ANO4: variants seen among roughly 807,000 people sequenced by gnomAD.
ANO4 encodes the protein anoctamin 4.
ANO4 carries 69 observed loss-of-function variants against 141.9 expected under a neutral mutation model. That is an observed-to-expected ratio of 0.49 (90% CI 0.40 to 0.59). The LOEUF is 0.59. Ranked by LOEUF, ANO4 falls within the 20% of genes least tolerant of loss-of-function variation. The pLI, the probability that ANO4 is intolerant of heterozygous loss-of-function variation, is 0.00. For missense variants in ANO4, 894 were observed against 1,162.2 expected (o/e 0.77, Z 3.36); for synonymous variants, 350 against 394.3 (o/e 0.89, Z 1.33).
At chr12:100,963,249 A>G (rs1188824683) in intron 5 of ANO4, among the ~76,000 whole-genome samples, 1 of 152,124 alleles carries the variant, frequency 6.6e-6, no homozygotes, top group African/African-American at 2.4e-5. Context: ...GGTGACATCT[A>G]AACCCATTAC....
chr12:100,811,635 C>T (rs1236086047), intron 1 of ANO4, among the ~76,000 whole-genome samples: 1 of 152,152 alleles, frequency 6.6e-6, no homozygotes, highest in Admixed American at 6.5e-5. Context: ...GAAATCAGAA[C>T]TGAATGAGAG....
At chr12:100,931,187 A>G (rs1239411191) in intron 3 of ANO4, among the ~76,000 whole-genome samples, 1 of 152,082 alleles carries the variant, frequency 6.6e-6, no homozygotes, top group African/African-American at 2.4e-5. Context: ...ATACATGCTA[A>G]ATAGTGTTTA....
upstream of ANO4, among the ~76,000 whole-genome samples, chr12:100,793,373 T>G (rs1442892658): frequency 6.6e-6 from 1 of 152,228 alleles, no homozygotes; most frequent in Admixed American, 6.5e-5. Context: ...TTTTATGGCC[T>G]TCTGCTGTGA....
At chr12:101,068,837 T>C in intron 14 of ANO4, 2 of 1,024,920 alleles carry the variant, frequency 2.0e-6, no homozygotes, top group African/African-American at 1.5e-5. Context: ...GCTGAGCTAT[T>C]TGAAAAACTT....
At chr12:100,937,151 A>G (rs770434256) in intron 3 of ANO4, among the ~76,000 whole-genome samples, 2 of 152,170 alleles carry the variant, frequency 1.3e-5, no homozygotes, top group Non-Finnish European at 2.9e-5. Context: ...AAGGGCTCTC[A>G]GATATCGTTA....
intron 2 of ANO4, 149 bp downstream of exon 2, chr12:100,901,989 A>G: frequency 1.3e-6 from 1 of 756,738 alleles, no homozygotes; most frequent in Non-Finnish European, 2.1e-6. Flanking sequence ...TGCTCACCTC[A>G]GTCAATGGTA....
rs576431543 is a variant in ANO4, at chr12:100,880,641, CT to C, written c.-140-21002del. Among the ~76,000 whole-genome samples, 310 of 152,252 alleles carry C rather than the reference CT, an allele frequency of 2.0e-3. 1 individual carries two copies. Among genetic ancestry groups the C allele is most frequent in the Non-Finnish European group, 3.8e-3 (256 of 68,028 alleles). The stretch of plus-strand genomic sequence containing the variant: ...CAGCAGCATGAATCACTGCTTCTGC[CT>C]TTCATATGTTTTTTAATGGCTTGAT... On this transcript the variant is annotated intron_variant, in intron 1 of 27. Transcript: ENST00000392977.
intron 1 of ANO4, among the ~76,000 whole-genome samples, chr12:100,830,183 A>T (rs1324706341): frequency 1.3e-5 from 2 of 152,044 alleles, no homozygotes; most frequent in Admixed American, 6.6e-5. Flanking sequence ...TCATTGCCAC[A>T]TTTCTGGCTG....
At chr12:100,772,946 T>C (rs544590667) in intron 3 of ANO4, among the ~76,000 whole-genome samples, 42 of 152,334 alleles carry the variant, frequency 2.8e-4, no homozygotes, top group African/African-American at 9.6e-4. Flanking sequence ...CCCAATTCTA[T>C]CCTCTTCTTT....
chr12:100,952,556 G>A (rs1183510240), intron 5 of ANO4, among the ~76,000 whole-genome samples: 1 of 152,134 alleles, frequency 6.6e-6, no homozygotes, highest in African/African-American at 2.4e-5. Flanking sequence ...AAAGCTGAGG[G>A]GACCTGGTAG....
At chr12:100,881,940 G>A (rs77156899) in intron 1 of ANO4, among the ~76,000 whole-genome samples, 6 of 152,242 alleles carry the variant, frequency 3.9e-5, no homozygotes, top group Non-Finnish European at 8.8e-5. Flanking sequence ...TTCAATGCAT[G>A]GAACCAGTTA....
intron 2 of ANO4, among the ~76,000 whole-genome samples, chr12:100,905,975 A>G (rs2040827632): frequency 6.6e-6 from 1 of 152,184 alleles, no homozygotes; most frequent in African/African-American, 2.4e-5. Flanking sequence ...ATCTCTGAGA[A>G]TGAGAATGGA....
In ANO4 at chr12:100,892,670, A is replaced by G. The variant is rs577026754; in HGVS notation, c.-140-8976A>G. Among the ~76,000 whole-genome samples the G allele has an allele frequency of 2.3e-4, 35 of 152,350 alleles. No individual in the cohort carries two copies. The South Asian group carries it at 5.0e-3, about 22-fold the overall frequency. ...ATTACCTATGTGCATCCTTCCATAT[A>G]CTTTAAATAATCTCTAGATTACTTA... On this transcript the variant is annotated intron_variant, in intron 1 of 27. Coordinates refer to ENST00000392977, the MANE Select transcript of ANO4 (RefSeq NM_001286615.2).
Position 100,862,946 on chromosome 12 carries a change from G to C in ANO4, c.-140-38700G>C, listed in dbSNP as rs1050509352. On this transcript the variant is annotated intron_variant, in intron 1 of 27. Transcript: ENST00000392977. ...GGGAAGAGGTATTATGTTTGTGGAA[G>C]TAGGGTGGGACAGTGTTACTAATCA... is the stretch of plus-strand genomic sequence containing the variant. Among the ~76,000 whole-genome samples, 6 of 152,194 alleles carry C rather than the reference G, an allele frequency of 3.9e-5. No homozygotes were observed. The South Asian group carries it at 6.2e-4, about 16-fold the overall frequency.
chr12:101,113,801 A>G (rs1194624822), intron 24 of ANO4, among the ~76,000 whole-genome samples: 1 of 152,178 alleles, frequency 6.6e-6, no homozygotes, highest in Non-Finnish European at 1.5e-5. Flanking sequence ...ATAAGTGGTG[A>G]GTGGCTTTCA....
intron 1 of ANO4, among the ~76,000 whole-genome samples, chr12:100,869,569 G>A (rs1465322255): frequency 3.9e-5 from 6 of 152,188 alleles, no homozygotes; most frequent in Non-Finnish European, 7.3e-5. Flanking sequence ...CCTCGTATGA[G>A]CTGATCATGT....
chr12:101,096,346 T>C (rs1275128079), intron 18 of ANO4, among the ~76,000 whole-genome samples, 190 bp from the exon 19 acceptor site: 1 of 152,080 alleles, frequency 6.6e-6, no homozygotes, highest in African/African-American at 2.4e-5. Flanking sequence ...CCTTGTTGGG[T>C]CTGGTCTGTG....
chr12:100,879,223 G>A (rs533281394), intron 1 of ANO4, among the ~76,000 whole-genome samples: 144 of 152,172 alleles, frequency 9.5e-4, no homozygotes, highest in Admixed American at 2.6e-3. Flanking sequence ...ACATGTTTGT[G>A]GTGTGAATAT....
At chr12:100,880,769 T>C (rs1037206177) in intron 1 of ANO4, among the ~76,000 whole-genome samples, 1 of 152,168 alleles carries the variant, frequency 6.6e-6, no homozygotes, top group Non-Finnish European at 1.5e-5. Flanking sequence ...CAGTAAAAGA[T>C]GTCTATATGG....
Sources: allele counts gnomAD v4.1 joint callset (sites outside exome capture counted in the v4.1 genomes callset), GRCh38; gene constraint gnomAD v4.1.1; transcripts MANE v1.5; gene names NCBI Gene and HGNC (gene_info 2026-07-23, HGNC 2026-07-21).